Variants in ATP13A4 observed in about 807,000 individuals in gnomAD.
The protein encoded by ATP13A4 is ATPase 13A4, also known as probable cation-transporting ATPase 13A4.
A neutral mutation model predicts 142.5 loss-of-function variants in ATP13A4; 114 were observed. The observed-to-expected ratio is 0.80, with a 90% CI of 0.69 to 0.93. ATP13A4 has a LOEUF of 0.93. ATP13A4 is among the 40% of genes least tolerant of loss of function. The pLI is 0.00. For synonymous variants in ATP13A4, 488 were observed against 514.8 expected, an observed-to-expected ratio of 0.95 and a Z score of 0.70; for missense variants, 1,392 against 1,454.0, an observed-to-expected ratio of 0.96 and a Z score of 0.69.
chr3:193,506,073 T>TG (rs1172045513), intron 2 of ATP13A4, among the ~76,000 whole-genome samples: 1 of 152,234 alleles, frequency 6.6e-6, no homozygotes, highest in South Asian at 2.1e-4. Flanking sequence ...ATGTTGTTTC[T>TG]GAGTTCTTTC....
At chr3:193,572,232 A>G (rs1724281738) in intron 2 of ATP13A4, among the ~76,000 whole-genome samples, 1 of 152,206 alleles carries the variant, frequency 6.6e-6, no homozygotes. Flanking sequence ...TGGGGGACAC[A>G]ATAAGACCCT....
At chr3:193,527,334 C>A (rs971275998) in intron 1 of ATP13A4, among the ~76,000 whole-genome samples, 1 of 152,128 alleles carries the variant, frequency 6.6e-6, no homozygotes. Context: ...CACTTCCTGA[C>A]TGGGTGCAGT....
chr3:193,481,034 A>T (rs909359779), intron 8 of ATP13A4, among the ~76,000 whole-genome samples: 1 of 152,218 alleles, frequency 6.6e-6, no homozygotes, highest in Non-Finnish European at 1.5e-5. Context: ...ATGGAAAACT[A>T]AACATCATAT....
chr3:193,426,665 T>C (rs1421353696), intron 25 of ATP13A4, among the ~76,000 whole-genome samples: 3 of 151,890 alleles, frequency 2.0e-5, no homozygotes, highest in African/African-American at 7.2e-5. Flanking sequence ...ACCAATGGAA[T>C]AGAATTGAGG....
intron 8 of ATP13A4, among the ~76,000 whole-genome samples, chr3:193,483,551 G>A (rs1237625152): frequency 2.0e-5 from 3 of 152,130 alleles, no homozygotes; most frequent in South Asian, 2.1e-4. Flanking sequence ...TGCAAGCTCC[G>A]CCTCCCGGGT....
intron 25 of ATP13A4, chr3:193,416,908 A>C (rs1366299856): frequency 6.6e-6 from 1 of 152,202 alleles, no homozygotes; most frequent in African/African-American, 2.4e-5. Flanking sequence ...GATTCACATC[A>C]AGACATCATA....
At chr3:193,450,681 AC>A (rs931937219) in intron 17 of ATP13A4, among the ~76,000 whole-genome samples, 3 of 152,168 alleles carry the variant, frequency 2.0e-5, no homozygotes, top group African/African-American at 7.2e-5. Flanking sequence ...TACTTAGCAT[AC>A]CCTTAGAATG....
At position 193,496,333 on chromosome 3, in the gene ATP13A4, G is replaced by C. The variant is rs556838032; in HGVS notation, c.382-3173C>G. ...CTGACTTCAAATTTCACTACAAAGC[G>C]ATAGTAACTAAAACAGCATGGTGCT... On this transcript the variant is annotated intron_variant, in intron 3 of 29. Coordinates refer to ENST00000342695, the MANE Select transcript of ATP13A4 (RefSeq NM_032279.4). Among the ~76,000 whole-genome samples the C allele has an allele frequency of 5.7e-4, 87 of 152,236 alleles. 1 individual carries two copies. Among genetic ancestry groups the C allele is most frequent in the South Asian group, 3.1e-3 (15 of 4,818 alleles).
chr3:193,462,860 C>T, intron 12 of ATP13A4, 37 bp from the exon 13 acceptor site: 1 of 1,605,712 alleles, frequency 6.2e-7, no homozygotes, highest in Non-Finnish European at 8.5e-7. Context: ...CTCTGAAGAT[C>T]CAGGCAAGGA....
At chr3:193,580,578 A>C (rs543551048) in intron 2 of ATP13A4, among the ~76,000 whole-genome samples, 1 of 152,206 alleles carries the variant, frequency 6.6e-6, no homozygotes, top group South Asian at 2.1e-4. Flanking sequence ...AATTACTCAA[A>C]GCCTAGTATA....
At position 193,520,874 on chromosome 3, in the gene ATP13A4, T is replaced by G. The variant is rs147257473; in HGVS notation, c.61-6003A>C. Among the ~76,000 whole-genome samples, 48 of 152,252 alleles carry G rather than the reference T, an allele frequency of 3.2e-4. 1 individual carries two copies. Among genetic ancestry groups the G allele is most frequent in the African/African-American group, 1.2e-3 (48 of 41,534 alleles). ...AGCTGGCAGATAGTTGGGATGATAATCAAATTCTCTTCCCAGCTTTGGAAT... is the reference window on the plus strand; with the variant it reads ...AGCTGGCAGATAGTTGGGATGATAAGCAAATTCTCTTCCCAGCTTTGGAAT... On this transcript the variant is annotated intron_variant, in intron 1 of 29. Transcript: ENST00000342695.
intron 1 of ATP13A4, among the ~76,000 whole-genome samples, chr3:193,552,323 GC>G (rs1365043566): frequency 9.2e-5 from 14 of 152,142 alleles, no homozygotes; most frequent in Admixed American, 3.9e-4. Flanking sequence ...GCATCTTTAG[GC>G]CTCAGAATAT....
chr3:193,459,842 A>T (rs1237430910), intron 13 of ATP13A4, among the ~76,000 whole-genome samples: 2 of 152,152 alleles, frequency 1.3e-5, no homozygotes, highest in African/African-American at 4.8e-5. Flanking sequence ...ATAAGAACAT[A>T]GTCTCATCTA....
At chr3:193,411,726 A>T (rs1714775434) in intron 27 of ATP13A4, among the ~76,000 whole-genome samples, 1 of 152,114 alleles carries the variant, frequency 6.6e-6, no homozygotes, top group South Asian at 2.1e-4. Context: ...AGCCTCCATA[A>T]CCCTCTCTAG....
At chr3:193,519,787 G>C (rs983555959) in intron 1 of ATP13A4, among the ~76,000 whole-genome samples, 1 of 151,674 alleles carries the variant, frequency 6.6e-6, no homozygotes, top group Non-Finnish European at 1.5e-5. Context: ...TGGGATTACA[G>C]GCGCCCGTCA....
chr3:193,529,361 C>T (rs1313500152), intron 1 of ATP13A4, among the ~76,000 whole-genome samples: 2 of 151,736 alleles, frequency 1.3e-5, no homozygotes, highest in Non-Finnish European at 2.9e-5. Flanking sequence ...TTAAGTTGTA[C>T]ATAAATATTT....
At chr3:193,432,580 A>T (rs1318713766) in intron 25 of ATP13A4, among the ~76,000 whole-genome samples, 1 of 152,142 alleles carries the variant, frequency 6.6e-6, no homozygotes, top group Non-Finnish European at 1.5e-5. Context: ...TGAACTATCA[A>T]ACTATGAAAA....
At chr3:193,540,552 A>C (rs972632162) in intron 1 of ATP13A4, among the ~76,000 whole-genome samples, 1 of 150,366 alleles carries the variant, frequency 6.7e-6, no homozygotes, top group African/African-American at 2.5e-5. Flanking sequence ...AAAAAAAAAA[A>C]AACCCTTCTA....
chr3:193,422,504 T>A lies in ATP13A4; in HGVS notation c.2843-7754A>T, dbSNP rs1263972805. 2.0e-5 allele frequency among the ~76,000 whole-genome samples: 3 copies of A among 149,778 alleles called. 1 individual carries two copies. Among genetic ancestry groups the A allele is most frequent in the Admixed American group, 1.4e-4 (2 of 14,484 alleles). On this transcript the variant is annotated intron_variant, in intron 25 of 29. Coordinates refer to ENST00000342695, the MANE Select transcript of ATP13A4 (RefSeq NM_032279.4). ...ACAAAACAAGTACTAAAACATTTTT[T>A]AAAAATCAATTATCATATCAAGTAT...
Sources: gnomAD v4.1 joint callset for allele counts (sites outside exome capture counted in the v4.1 genomes callset) on GRCh38, gnomAD v4.1.1 for gene constraint, MANE v1.5 for transcripts, NCBI Gene and HGNC (gene_info 2026-07-23, HGNC 2026-07-21) for gene names.